Variants in EMB observed in about 807,000 individuals in gnomAD.
EMB encodes embigin homolog.
A neutral mutation model predicts 41.4 loss-of-function variants in EMB; 31 were observed. The observed-to-expected ratio is 0.75, with a 90% CI of 0.56 to 1.01. The LOEUF is 1.01. Among genes scored for constraint, EMB ranks in the 50% least tolerant of loss-of-function variants. The pLI is 0.00. For missense variants in EMB, 379 were observed against 388.3 expected, an observed-to-expected ratio of 0.98 and a Z score of 0.20; for synonymous variants, 137 against 140.4, an observed-to-expected ratio of 0.98 and a Z score of 0.17.
intron 5 of EMB, among the ~76,000 whole-genome samples, chr5:50,405,413 T>C (rs1745231569): frequency 6.6e-6 from 1 of 151,922 alleles, no homozygotes; most frequent in African/African-American, 2.4e-5. Context: ...AATGGGGTTA[T>C]TTCTAAACTA....
At chr5:50,402,379 A>T in intron 6 of EMB, 60 bp from the exon 7 acceptor site, 2 of 1,468,518 alleles carry the variant, frequency 1.4e-6, no homozygotes, top group Non-Finnish European at 9.5e-7. Flanking sequence ...TGGAACATAT[A>T]TGCTCAATTA....
intron 2 of EMB, among the ~76,000 whole-genome samples, chr5:50,414,705 G>T (rs1745401328): frequency 6.6e-6 from 1 of 152,072 alleles, no homozygotes; most frequent in Non-Finnish European, 1.5e-5. Flanking sequence ...TTGCAAAATT[G>T]CTGAATTGAA....
At position 50,441,048 on chromosome 5, in the gene EMB, CT is replaced by C; in HGVS notation, c.103del (p.Ser35ValfsTer16). The stretch of plus-strand genomic sequence containing the variant: ...CCCTGTACCCATCACACCTGGGGCA[CT>C]GCCGTCCGCCGAGCTTGGGCGCGCG... ...AAARPSSADG[S>X]APDSPFTSPP... is the part of the protein sequence containing the mutation. On this transcript the variant is annotated frameshift_variant, in exon 1 of 9. Coordinates refer to ENST00000303221, the MANE Select transcript of EMB (RefSeq NM_198449.3). LOFTEE classifies it high-confidence loss of function. 2.0e-6 allele frequency: 3 copies of C among 1,508,966 alleles called. No homozygotes were observed. The highest frequency in any genetic ancestry group is 2.7e-6 in the Non-Finnish European group (3 of 1,129,054). 93.5% of individuals were successfully genotyped at this position (1,508,966 alleles called of 1,614,324 possible).
At chr5:50,405,641 T>C in intron 5 of EMB, 84 bp downstream of exon 5, 1 of 1,477,416 alleles carries the variant, frequency 6.8e-7, no homozygotes, top group Admixed American at 2.5e-5. Context: ...ATCTTAGGAA[T>C]GCTGAGTCTG....
chr5:50,413,586 T>A (rs969014088), intron 2 of EMB, among the ~76,000 whole-genome samples: 4 of 146,854 alleles, frequency 2.7e-5, no homozygotes, highest in African/African-American at 9.9e-5. Context: ...CTTTCTTTCT[T>A]TTTTTTTTTT....
At chr5:50,440,642 G>A (rs1010566356) in intron 1 of EMB, among the ~76,000 whole-genome samples, 1 of 151,716 alleles carries the variant, frequency 6.6e-6, no homozygotes, top group African/African-American at 2.4e-5. Context: ...AAAGGGAGTA[G>A]GCCTTGGGGA....
chr5:50,403,583 G>C, intron 5 of EMB, 129 bp from the exon 6 acceptor site: 1 of 1,019,050 alleles, frequency 9.8e-7, no homozygotes. Context: ...ATTAAAGTTT[G>C]TGAGAGGTTA....
In EMB at chr5:50,396,656, T is replaced by TGGC. The variant is rs1745070777; in HGVS notation, c.*2616_*2617insGCC. On this transcript the variant is annotated 3_prime_UTR_variant, in exon 9 of 9. Transcript: ENST00000303221. ...GAGATTAGCAATTTGGAGAATGCAA[T>TGGC]ATTAAGAAATGGCAAAGGTGAGCCT... 2 of 152,100 alleles carry TGGC rather than the reference T, an allele frequency of 1.3e-5. No individual in the cohort carries two copies. Among genetic ancestry groups the TGGC allele is most frequent in the Admixed American group, 1.3e-4 (2 of 15,260 alleles). The allele number at this position is 152,100 out of a possible 1,614,324, so 9.4% of individuals were successfully genotyped here. A position where few individuals can be genotyped will look rare whatever the true frequency, so the allele number is the denominator to read the frequency against.
intron 1 of EMB, among the ~76,000 whole-genome samples, chr5:50,440,101 T>C (rs1414739719): frequency 6.6e-6 from 1 of 151,898 alleles, no homozygotes; most frequent in African/African-American, 2.4e-5. Flanking sequence ...ATCTCACACA[T>C]ACACACACAC....
chr5:50,416,535 G>A (rs1312897260), intron 2 of EMB, among the ~76,000 whole-genome samples: 2 of 152,154 alleles, frequency 1.3e-5, no homozygotes, highest in Admixed American at 1.3e-4. Flanking sequence ...TATGGAAGAA[G>A]CCAATTAAAA....
rs547350377 is a variant in EMB, at chr5:50,404,772, AGGAAT to A, written c.600+948_600+952del. ...CATCCATCAGAAGACATAAAGGAGT[AGGAAT>A]GGCTTCAGTCTGCATCTATGGGATT... On this transcript the variant is annotated intron_variant, in intron 5 of 8. Coordinates refer to ENST00000303221, the MANE Select transcript of EMB (RefSeq NM_198449.3). Among the ~76,000 whole-genome samples the A allele has an allele frequency of 7.2e-5, 11 of 152,102 alleles. No individual in the cohort carries two copies. In the South Asian group the frequency reaches 2.3e-3, roughly 31 times the overall value.
intron 1 of EMB, among the ~76,000 whole-genome samples, chr5:50,433,312 A>G (rs775363571): frequency 2.0e-5 from 3 of 151,364 alleles, no homozygotes; most frequent in Non-Finnish European, 2.9e-5. Context: ...TAAAAACCAG[A>G]TGGTATAGGA....
intron 1 of EMB, among the ~76,000 whole-genome samples, chr5:50,431,999 A>G (rs1745728043): frequency 1.3e-5 from 2 of 152,200 alleles, no homozygotes; most frequent in South Asian, 4.1e-4. Flanking sequence ...TTCTATTAAC[A>G]CTTTCAAGTG....
intron 2 of EMB, among the ~76,000 whole-genome samples, chr5:50,424,486 G>T (rs1319235716): frequency 2.0e-5 from 3 of 152,130 alleles, no homozygotes; most frequent in African/African-American, 7.2e-5. Context: ...GAAGAGACAG[G>T]TCCCACTTAC....
chr5:50,407,547 G>A (rs1210096170), intron 4 of EMB, among the ~76,000 whole-genome samples: 2 of 151,844 alleles, frequency 1.3e-5, no homozygotes, highest in Non-Finnish European at 2.9e-5. Flanking sequence ...TTATCCCCTA[G>A]ACTAATGACT....
chr5:50,412,911 G>C (rs1745366217), intron 2 of EMB, among the ~76,000 whole-genome samples: 1 of 129,104 alleles, frequency 7.7e-6, no homozygotes, highest in African/African-American at 3.0e-5. Context: ...CAGTATCCCA[G>C]AAATCTGGGA....
intron 4 of EMB, 104 bp downstream of exon 4, chr5:50,410,773 C>T: frequency 1.3e-6 from 1 of 755,348 alleles, no homozygotes; most frequent in Non-Finnish European, 2.0e-6. Flanking sequence ...CTTTCAGCTA[C>T]ATTATGTTTA....
chr5:50,417,741 G>A (rs1330592216), intron 2 of EMB, among the ~76,000 whole-genome samples: 1 of 152,268 alleles, frequency 6.6e-6, no homozygotes, highest in Non-Finnish European at 1.5e-5. Flanking sequence ...TATGAGCTGA[G>A]CCTATTTTCA....
At chr5:50,400,026 A>G in intron 7 of EMB, 113 bp from the exon 8 acceptor site, 1 of 660,026 alleles carries the variant, frequency 1.5e-6, no homozygotes, top group Non-Finnish European at 2.4e-6. Context: ...TACGGACAGA[A>G]TTCTTTCTTC....
Sources: gnomAD v4.1 joint callset for allele counts (sites outside exome capture counted in the v4.1 genomes callset) on GRCh38, gnomAD v4.1.1 for gene constraint, MANE v1.5 for transcripts, NCBI Gene and HGNC (gene_info 2026-07-23, HGNC 2026-07-21) for gene names.